The following RABGAP1L variants were observed in gnomAD, a reference collection of about 807,000 sequenced individuals.
RABGAP1L encodes the protein RAB GTPase activating protein 1 like.
A neutral mutation model predicts 137.7 loss-of-function variants in RABGAP1L; 63 were observed. That is an observed-to-expected ratio of 0.46 (90% confidence interval 0.37 to 0.56). The LOEUF is 0.56. Ranked by LOEUF, RABGAP1L falls within the 20% of genes least tolerant of loss-of-function variation. RABGAP1L has a pLI of 0.00. For synonymous variants in RABGAP1L, 431 were observed against 433.7 expected, an observed-to-expected ratio of 0.99 and a Z score of 0.08; for missense variants, 1,095 against 1,244.0, an observed-to-expected ratio of 0.88 and a Z score of 1.80.
chr1:174,877,426 A>AT (rs1653319822), intron 19 of RABGAP1L: 31 of 1,592,946 alleles, frequency 1.9e-5, no homozygotes, highest in Non-Finnish European at 2.7e-5. Flanking sequence ...CTGCAGTAGG[A>AT]TTTTTCCTTG....
intron 13 of RABGAP1L, among the ~76,000 whole-genome samples, chr1:174,550,917 CACACATATATATAT>C (rs1475370285): frequency 7.3e-5 from 7 of 96,452 alleles, no homozygotes; most frequent in East Asian, 3.0e-4. Context: ...TATACACACA[CACACATATATATAT>C]ACACATATAT....
At chr1:174,508,173 AC>A (rs908609006) in intron 13 of RABGAP1L, among the ~76,000 whole-genome samples, 6 of 152,182 alleles carry the variant, frequency 3.9e-5, no homozygotes, top group African/African-American at 1.4e-4. Flanking sequence ...TGGAAGAGAA[AC>A]CCTTATCTTC....
At chr1:174,832,067 C>T (rs888398813) in intron 19 of RABGAP1L, among the ~76,000 whole-genome samples, 4 of 147,740 alleles carry the variant, frequency 2.7e-5, no homozygotes, top group South Asian at 2.2e-4. Context: ...CCAAGGCAGA[C>T]GGATCACCTG....
Position 174,204,988 on chromosome 1 carries a change from G to A in RABGAP1L, c.-33-14137G>A, listed in dbSNP as rs140349338. Among the ~76,000 whole-genome samples, 590 of 152,282 alleles carry A rather than the reference G, an allele frequency of 3.9e-3. 4 individuals are homozygous for A. Among genetic ancestry groups the A allele is most frequent in the African/African-American group, 0.012 (509 of 41,554 alleles). On this transcript the variant is annotated intron_variant, in intron 1 of 25. Coordinates refer to ENST00000681986, the MANE Select transcript of RABGAP1L (RefSeq NM_001366446.1). ...ATCTCCTTTCTTCATAAATTACCCA[G>A]TCATGGGTAGTTCTTTATAGCAATG...
At chr1:174,627,827 T>C (rs1374454473) in intron 13 of RABGAP1L, among the ~76,000 whole-genome samples, 1 of 152,154 alleles carries the variant, frequency 6.6e-6, no homozygotes, top group African/African-American at 2.4e-5. Context: ...AGCTTTTGTT[T>C]ATAGACCAAC....
chr1:174,282,004 T>G (rs1675610748), intron 10 of RABGAP1L, among the ~76,000 whole-genome samples: 1 of 152,232 alleles, frequency 6.6e-6, no homozygotes, highest in Non-Finnish European at 1.5e-5. Flanking sequence ...GTATGTCAGT[T>G]GTTAATCTTT....
Position 174,398,136 on chromosome 1 carries a change from A to G in RABGAP1L, c.1710+3991A>G, listed in dbSNP as rs76132359. ...AGGGCTCATTACCTGCCTAGCATCA[A>G]TATGTAGCAATATACACTTGGAATA... On this transcript the variant is annotated intron_variant, in intron 13 of 25. Coordinates refer to ENST00000681986, the MANE Select transcript of RABGAP1L (RefSeq NM_001366446.1). Among the ~76,000 whole-genome samples the G allele has an allele frequency of 8.8e-3, 1,346 of 152,206 alleles. 18 individuals carry two copies. Among genetic ancestry groups the G allele is most frequent in the African/African-American group, 0.031 (1,270 of 41,528 alleles).
At chr1:174,723,916 T>G (rs1360122788) in intron 17 of RABGAP1L, among the ~76,000 whole-genome samples, 1 of 152,194 alleles carries the variant, frequency 6.6e-6, no homozygotes, top group Non-Finnish European at 1.5e-5. Context: ...GTGAAATTGA[T>G]GTTTGAGAAA....
intron 19 of RABGAP1L, among the ~76,000 whole-genome samples, chr1:174,920,324 G>T (rs1007476291): frequency 8.5e-5 from 13 of 152,170 alleles, no homozygotes; most frequent in African/African-American, 2.9e-4. Flanking sequence ...ATGGCAGCAG[G>T]CAAAGAGAGA....
chr1:174,884,710 A>C (rs1488415305), intron 19 of RABGAP1L, among the ~76,000 whole-genome samples: 1 of 152,264 alleles, frequency 6.6e-6, no homozygotes, highest in Non-Finnish European at 1.5e-5. Flanking sequence ...AGGGCAGTTC[A>C]TCTAGGCAAC....
chr1:174,222,775 A>G (rs1558044523), intron 3 of RABGAP1L, among the ~76,000 whole-genome samples: 1 of 152,184 alleles, frequency 6.6e-6, no homozygotes. Flanking sequence ...GTGTGATTAG[A>G]AAAAAAGTGA....
At chr1:174,540,905 A>T (rs990793026) in intron 13 of RABGAP1L, among the ~76,000 whole-genome samples, 4 of 152,192 alleles carry the variant, frequency 2.6e-5, no homozygotes, top group Non-Finnish European at 5.9e-5. Context: ...TTTTCAAAAT[A>T]TTGATTATTC....
chr1:174,638,382 C>G (rs572284097), intron 14 of RABGAP1L, among the ~76,000 whole-genome samples: 1 of 152,304 alleles, frequency 6.6e-6, no homozygotes, highest in African/African-American at 2.4e-5. Flanking sequence ...AAAGCACTCA[C>G]TTCTCCAGCA....
At position 174,258,536 on chromosome 1, in the gene RABGAP1L, T is replaced by C. The variant is rs564203987; in HGVS notation, c.986+5946T>C. On this transcript the variant is annotated intron_variant, in intron 7 of 25. Coordinates refer to ENST00000681986, the MANE Select transcript of RABGAP1L (RefSeq NM_001366446.1). ...ACTCCTGAGTTCAAGTGATCTTGAC[T>C]TGGCTTCCTAAAGTGCTTGGCTTCC... Among the ~76,000 whole-genome samples, 4 of 152,316 alleles carry C rather than the reference T, an allele frequency of 2.6e-5. No homozygotes were observed. In the South Asian group the frequency reaches 8.3e-4, roughly 32 times the overall value.
intron 1 of RABGAP1L, among the ~76,000 whole-genome samples, chr1:174,181,940 G>T (rs1666404751): frequency 6.6e-6 from 1 of 152,110 alleles, no homozygotes; most frequent in African/African-American, 2.4e-5. Flanking sequence ...AATTTAAGAA[G>T]ATATTTTAAA....
rs186716369 is a variant in RABGAP1L at position 174,343,195 on chromosome 1, C to T, written c.1466-27784C>T. Reference sequence around the variant, plus strand: ...ACAGTATTCTGTGGTGTGGATATAGCATAATTTTATTTTTCCATTTCTCTT... The same window carrying T: ...ACAGTATTCTGTGGTGTGGATATAGTATAATTTTATTTTTCCATTTCTCTT... On this transcript the variant is annotated intron_variant, in intron 11 of 25. Transcript: ENST00000681986. 3.7e-3 allele frequency among the ~76,000 whole-genome samples: 560 copies of T among 152,254 alleles called. 4 individuals carry two copies. Among genetic ancestry groups the T allele is most frequent in the African/African-American group, 0.012 (482 of 41,548 alleles).
At chr1:174,352,899 C>G (rs74982851) in intron 11 of RABGAP1L, among the ~76,000 whole-genome samples, 11,139 of 152,222 alleles carry the variant, frequency 0.073, 607 homozygotes, top group East Asian at 0.32. Flanking sequence ...CAGGCAGAGA[C>G]TCTTGTTCTC....
At chr1:174,306,249 G>T (rs1442337210) in intron 11 of RABGAP1L, among the ~76,000 whole-genome samples, 3 of 152,210 alleles carry the variant, frequency 2.0e-5, no homozygotes, top group Admixed American at 1.3e-4. Context: ...CTTTATAGCA[G>T]CATGATTTAT....
At chr1:174,728,976 T>C (rs1357622094) in intron 17 of RABGAP1L, among the ~76,000 whole-genome samples, 115 of 152,028 alleles carry the variant, frequency 7.6e-4, no homozygotes, top group Non-Finnish European at 1.0e-4. Flanking sequence ...AATAAAACTA[T>C]TCAAAAAATT....
Sources: gnomAD v4.1 joint callset for allele counts (sites outside exome capture counted in the v4.1 genomes callset) on GRCh38, gnomAD v4.1.1 for gene constraint, MANE v1.5 for transcripts, NCBI Gene and HGNC (gene_info 2026-07-23, HGNC 2026-07-21) for gene names.